KCNQ5: variants seen among roughly 807,000 people sequenced by gnomAD.
KCNQ5 encodes potassium voltage-gated channel subfamily KQT member 5.
In KCNQ5, 30 loss-of-function variants were observed where a neutral mutation model predicts 98.2. That is an observed-to-expected ratio of 0.31 (90% CI 0.23 to 0.41). The LOEUF (loss-of-function observed/expected upper bound fraction) is 0.41. KCNQ5 is among the 10% of genes least tolerant of loss of function. The pLI, the probability that KCNQ5 is intolerant of heterozygous loss-of-function variation, is 1.00. For missense variants in KCNQ5, 835 were observed against 1,182.5 expected, an observed-to-expected ratio of 0.71 and a Z score of 4.31; for synonymous variants, 458 against 449.4, an observed-to-expected ratio of 1.02 and a Z score of -0.24.
intron 1 of KCNQ5, among the ~76,000 whole-genome samples, chr6:72,806,231 A>G (rs1439528096): frequency 6.6e-6 from 1 of 152,282 alleles, no homozygotes; most frequent in Admixed American, 6.5e-5. Context: ...TCTTAACGAT[A>G]TATATAATCA....
chr6:72,679,179 A>C (rs1767566438), intron 1 of KCNQ5, among the ~76,000 whole-genome samples: 1 of 152,174 alleles, frequency 6.6e-6, no homozygotes. Flanking sequence ...GCTACCATAC[A>C]ATTCACTCTT....
chr6:72,901,656 G>T (rs905631730), intron 1 of KCNQ5, among the ~76,000 whole-genome samples: 4 of 152,136 alleles, frequency 2.6e-5, no homozygotes, highest in African/African-American at 9.7e-5. Context: ...TCAGTTAGCT[G>T]TAAGTATCTG....
At chr6:73,085,382 G>A (rs776605982) in intron 5 of KCNQ5, among the ~76,000 whole-genome samples, 4 of 152,160 alleles carry the variant, frequency 2.6e-5, no homozygotes, top group Non-Finnish European at 4.4e-5. Flanking sequence ...CTGGCATAGA[G>A]GGGGACAAAA....
intron 1 of KCNQ5, among the ~76,000 whole-genome samples, chr6:72,793,094 C>A (rs1173819795): frequency 6.6e-6 from 1 of 152,104 alleles, no homozygotes; most frequent in Non-Finnish European, 1.5e-5. Flanking sequence ...GTCTACAGTG[C>A]GTAGGGCATT....
intron 1 of KCNQ5, among the ~76,000 whole-genome samples, chr6:72,693,292 G>T (rs1768305648): frequency 6.6e-6 from 1 of 152,154 alleles, no homozygotes; most frequent in East Asian, 1.9e-4. Context: ...AGATAATCAG[G>T]AGAGTGTGTT....
chr6:72,666,231 A>G (rs1766807276), intron 1 of KCNQ5, among the ~76,000 whole-genome samples: 1 of 152,152 alleles, frequency 6.6e-6, no homozygotes, highest in Non-Finnish European at 1.5e-5. Context: ...ATAAAGAGAG[A>G]TATACATCAC....
At chr6:73,188,412 A>G (rs12664116) in intron 11 of KCNQ5, among the ~76,000 whole-genome samples, 4,668 of 152,328 alleles carry the variant, frequency 0.031, 90 homozygotes, top group East Asian at 0.068. Context: ...ACCTTGGGAT[A>G]TATGAAGATG....
chr6:72,690,359 A>C (rs1471020398), intron 1 of KCNQ5, among the ~76,000 whole-genome samples: 2 of 151,754 alleles, frequency 1.3e-5, no homozygotes, highest in Non-Finnish European at 2.9e-5. Flanking sequence ...TTTTCAAGTT[A>C]CTCTTCCTAA....
chr6:72,960,648 G>C (rs577484546), intron 1 of KCNQ5, among the ~76,000 whole-genome samples: 1 of 152,138 alleles, frequency 6.6e-6, no homozygotes, highest in Admixed American at 6.5e-5. Flanking sequence ...GGCTGGTCTC[G>C]AAGTCCTGAC....
chr6:72,878,661 C>T (rs1778518681), intron 1 of KCNQ5, among the ~76,000 whole-genome samples: 1 of 152,164 alleles, frequency 6.6e-6, no homozygotes, highest in South Asian at 2.1e-4. Context: ...TCCCAGCCTA[C>T]TTAATGACTG....
At chr6:73,151,517 T>C (rs892341930) in intron 10 of KCNQ5, among the ~76,000 whole-genome samples, 1 of 152,258 alleles carries the variant, frequency 6.6e-6, no homozygotes, top group Non-Finnish European at 1.5e-5. Context: ...CACTGCACTA[T>C]GGTTGTTTCT....
At chr6:73,178,984 C>A (rs972572151) in intron 11 of KCNQ5, among the ~76,000 whole-genome samples, 7 of 152,248 alleles carry the variant, frequency 4.6e-5, no homozygotes, top group African/African-American at 1.2e-4. Context: ...TGATCAATTT[C>A]GAGTGAGGGC....
chr6:72,935,444 T>A (rs1765873860), intron 1 of KCNQ5, among the ~76,000 whole-genome samples: 2 of 152,116 alleles, frequency 1.3e-5, no homozygotes, highest in Non-Finnish European at 2.9e-5. Flanking sequence ...CTGACTGGTA[T>A]CCCTTTAAAT....
chr6:72,682,636 C>T lies in KCNQ5; in HGVS notation c.398+60049C>T, dbSNP rs561021619. On this transcript the variant is annotated intron_variant, in intron 1 of 13. Coordinates refer to ENST00000370398, the MANE Select transcript of KCNQ5 (RefSeq NM_019842.4). ...GTACTCCTCTTATACCCCTACTTTACTCTTAATAAATTTTCTATCTCTATG... is the reference window on the plus strand; with the variant it reads ...GTACTCCTCTTATACCCCTACTTTATTCTTAATAAATTTTCTATCTCTATG... 7.9e-5 allele frequency among the ~76,000 whole-genome samples: 12 copies of T among 152,282 alleles called. No individual in the cohort carries two copies. The East Asian group carries it at 2.1e-3, about 27-fold the overall frequency.
chr6:73,179,550 C>T (rs532817668), intron 11 of KCNQ5, among the ~76,000 whole-genome samples: 1 of 152,212 alleles, frequency 6.6e-6, no homozygotes, highest in South Asian at 2.1e-4. Context: ...GGCATTCAAA[C>T]CATAACAGAG....
At chr6:72,635,670 GTTTTTTT>G (rs528990234) in intron 1 of KCNQ5, among the ~76,000 whole-genome samples, 3 of 65,074 alleles carry the variant, frequency 4.6e-5, no homozygotes, top group Admixed American at 1.6e-4. Context: ...ATTGCTCCTA[GTTTTTTT>G]TTTTTTTTTT....
intron 1 of KCNQ5, among the ~76,000 whole-genome samples, chr6:72,946,075 T>C (rs1681294370): frequency 6.6e-6 from 1 of 152,120 alleles, no homozygotes; most frequent in Admixed American, 6.6e-5. Context: ...CGAACCACAG[T>C]ATTTTACTTC....
At chr6:72,845,154 C>T (rs557081901) in intron 1 of KCNQ5, among the ~76,000 whole-genome samples, 3 of 152,288 alleles carry the variant, frequency 2.0e-5, no homozygotes, top group African/African-American at 7.2e-5. Flanking sequence ...TGCCCACTTT[C>T]TGAGAAATTC....
intron 10 of KCNQ5, among the ~76,000 whole-genome samples, chr6:73,167,076 C>A (rs1019938408): frequency 6.6e-6 from 1 of 152,182 alleles, no homozygotes; most frequent in African/African-American, 2.4e-5. Flanking sequence ...ATCAGAGAAA[C>A]CATGAACAAT....
Sources: gnomAD v4.1 joint callset for allele counts (sites outside exome capture counted in the v4.1 genomes callset) on GRCh38, gnomAD v4.1.1 for gene constraint, MANE v1.5 for transcripts, NCBI Gene and HGNC (gene_info 2026-07-23, HGNC 2026-07-21) for gene names.